The following MCC variants were observed in gnomAD, a reference collection of about 807,000 sequenced individuals.
The protein encoded by MCC is colorectal mutant cancer protein.
In MCC, 90 loss-of-function variants were observed where a neutral mutation model predicts 116.2. The ratio of observed to expected loss-of-function variants is 0.77; its 90% CI spans 0.65 to 0.92. The LOEUF (loss-of-function observed/expected upper bound fraction) is 0.92. MCC is among the 40% of genes least tolerant of loss of function. The pLI, the probability that MCC is intolerant of heterozygous loss-of-function variation, is 0.00. For missense variants in MCC, 1,516 were observed against 1,312.2 expected, an observed-to-expected ratio of 1.16 and a Z score of -2.40; for synonymous variants, 578 against 510.5, an observed-to-expected ratio of 1.13 and a Z score of -1.78.
chr5:113,343,918 CCA>C (rs1768072545), intron 2 of MCC, among the ~76,000 whole-genome samples: 1 of 152,128 alleles, frequency 6.6e-6, no homozygotes, highest in South Asian at 2.1e-4. Flanking sequence ...TGCAGGAATA[CCA>C]CATTTTAACA....
chr5:113,238,140 A>T (rs896465688), intron 3 of MCC, among the ~76,000 whole-genome samples: 5 of 152,202 alleles, frequency 3.3e-5, no homozygotes, highest in African/African-American at 1.2e-4. Context: ...GCATGCAACC[A>T]GTCACTTAAA....
rs557067964 is a variant in MCC, at chr5:113,310,873, C to G, written c.627+29646G>C. ...TTGAGACAACTGCATTAAATTAATG[C>G]TTTTTCATATTCCATCCTTCCTTCA... On this transcript the variant is annotated intron_variant, in intron 3 of 18. Coordinates refer to ENST00000408903, the MANE Select transcript of MCC (RefSeq NM_001085377.2). 2.6e-5 allele frequency among the ~76,000 whole-genome samples: 4 copies of G among 152,284 alleles called. No individual in the cohort carries two copies. In the South Asian group the frequency reaches 6.2e-4, roughly 24 times the overall value.
chr5:113,361,396 A>T (rs2150385356), intron 2 of MCC, among the ~76,000 whole-genome samples: 1 of 152,230 alleles, frequency 6.6e-6, no homozygotes, highest in Admixed American at 6.5e-5. Context: ...ATGGATGCTC[A>T]ACTCAGCCTT....
At chr5:113,147,514 C>A (rs1446651818) in intron 4 of MCC, among the ~76,000 whole-genome samples, 2 of 152,128 alleles carry the variant, frequency 1.3e-5, no homozygotes, top group Non-Finnish European at 2.9e-5. Flanking sequence ...AAATGCAATG[C>A]CATCATTAAT....
At position 113,023,658 on chromosome 5, in the gene MCC, A is replaced by G. The variant is rs1272609534; in HGVS notation, c.*3644T>C. 1 of 152,234 alleles carries G rather than the reference A, an allele frequency of 6.6e-6. No individual in the cohort carries two copies. The highest frequency in any genetic ancestry group is 2.4e-5 in the African/African-American group (1 of 41,464). 9.4% of individuals were successfully genotyped at this position (152,234 alleles called of 1,614,324 possible). A position where few individuals can be genotyped will look rare whatever the true frequency, so the allele number is the denominator to read the frequency against. On this transcript the variant is annotated 3_prime_UTR_variant, in exon 19 of 19. Coordinates refer to ENST00000408903, the MANE Select transcript of MCC (RefSeq NM_001085377.2). ...GTAGAGCTGTAAATAGTTTAATAGAATGATTGGGACATACTCCCAATTAAG... is the reference window on the plus strand; with the variant it reads ...GTAGAGCTGTAAATAGTTTAATAGAGTGATTGGGACATACTCCCAATTAAG...
At chr5:113,304,981 G>A (rs1766950323) in intron 3 of MCC, among the ~76,000 whole-genome samples, 1 of 151,580 alleles carries the variant, frequency 6.6e-6, no homozygotes, top group South Asian at 2.1e-4. Context: ...CTCTTAGCTA[G>A]AATGTTACGG....
At chr5:113,449,083 G>C (rs1017632133) in intron 1 of MCC, among the ~76,000 whole-genome samples, 1 of 152,206 alleles carries the variant, frequency 6.6e-6, no homozygotes, top group Non-Finnish European at 1.5e-5. Context: ...ATCCTACAGA[G>C]GGCCAGCTGG....
At position 113,079,674 on chromosome 5, in the gene MCC, T is replaced by C. The variant is rs528943407; in HGVS notation, c.1784+3186A>G. On this transcript the variant is annotated intron_variant, in intron 11 of 18. Coordinates refer to ENST00000408903, the MANE Select transcript of MCC (RefSeq NM_001085377.2). ...AAATTAATTCAAGATGGATTAAAGA[T>C]TTAAATGTTAGACCTAAAACCGTAA... Among the ~76,000 whole-genome samples, 58 of 152,300 alleles carry C rather than the reference T, an allele frequency of 3.8e-4. 3 individuals are homozygous for C. Among genetic ancestry groups the C allele is most frequent in the African/African-American group, 1.3e-3 (55 of 41,576 alleles).
chr5:113,105,131 G>A (rs1561814923), intron 6 of MCC, among the ~76,000 whole-genome samples: 1 of 152,198 alleles, frequency 6.6e-6, no homozygotes, highest in Non-Finnish European at 1.5e-5. Context: ...GTAACCTGCT[G>A]TTTTGGATTC....
chr5:113,310,165 A>G (rs1046008469), intron 3 of MCC, among the ~76,000 whole-genome samples: 4 of 152,200 alleles, frequency 2.6e-5, no homozygotes, highest in African/African-American at 4.8e-5. Context: ...CTTAATCCCC[A>G]ATGGAACAGC....
rs1192327319 is a variant in MCC, at chr5:113,132,360, G to C, written c.885-9534C>G. Among the ~76,000 whole-genome samples, 251 of 128,764 alleles carry C rather than the reference G, an allele frequency of 1.9e-3. 1 individual carries two copies. Among genetic ancestry groups the C allele is most frequent in the South Asian group, 3.1e-3 (12 of 3,896 alleles). The allele number at this position is 128,764 out of a possible 152,430, so 84.5% of individuals were successfully genotyped here. A position where few individuals can be genotyped will look rare whatever the true frequency, so the allele number is the denominator to read the frequency against. On this transcript the variant is annotated intron_variant, in intron 5 of 18. Coordinates refer to ENST00000408903, the MANE Select transcript of MCC (RefSeq NM_001085377.2). The stretch of plus-strand genomic sequence containing the variant: ...TAAGAGGAAAAAGAAAAGTGCATAT[G>C]TGTGTGTGTGTGTATATATATACAT...
At chr5:113,476,710 G>C (rs1007535135) in intron 1 of MCC, among the ~76,000 whole-genome samples, 6 of 152,222 alleles carry the variant, frequency 3.9e-5, no homozygotes, top group African/African-American at 1.4e-4. Flanking sequence ...CAAGTCTAGA[G>C]AGGCAGCAAA....
At chr5:113,220,806 C>A (rs76206262) in intron 3 of MCC, among the ~76,000 whole-genome samples, 3 of 152,160 alleles carry the variant, frequency 2.0e-5, no homozygotes, top group Admixed American at 2.0e-4. Flanking sequence ...GATCTGGAAG[C>A]CTTTTATTGT....
At chr5:113,397,877 G>A (rs1769567207) in intron 1 of MCC, among the ~76,000 whole-genome samples, 1 of 152,150 alleles carries the variant, frequency 6.6e-6, no homozygotes, top group Non-Finnish European at 1.5e-5. Flanking sequence ...CACAGCAAAA[G>A]AAACTATCAA....
At chr5:113,391,601 T>C (rs1769402221) in intron 1 of MCC, among the ~76,000 whole-genome samples, 1 of 152,006 alleles carries the variant, frequency 6.6e-6, no homozygotes, top group South Asian at 2.1e-4. Context: ...CACTGTAGTC[T>C]CAGCTACTTG....
intron 14 of MCC, among the ~76,000 whole-genome samples, chr5:113,055,315 G>T (rs1352435470): frequency 6.6e-6 from 1 of 152,136 alleles, no homozygotes; most frequent in Non-Finnish European, 1.5e-5. Flanking sequence ...ACCCAGGCCT[G>T]CCCTCCTCAT....
At chr5:113,065,043 G>C (rs1355459273) in intron 13 of MCC, among the ~76,000 whole-genome samples, 1 of 152,140 alleles carries the variant, frequency 6.6e-6, no homozygotes, top group East Asian at 1.9e-4. Context: ...GGATGGGGTT[G>C]GGGGAGGAAT....
chr5:113,179,682 T>A (rs1249737062), intron 3 of MCC, among the ~76,000 whole-genome samples: 1 of 152,170 alleles, frequency 6.6e-6, no homozygotes, highest in African/African-American at 2.4e-5. Flanking sequence ...ATGAATGCAG[T>A]TGAATTTTTC....
intron 3 of MCC, among the ~76,000 whole-genome samples, chr5:113,275,124 G>C (rs1002195611): frequency 6.6e-6 from 1 of 152,064 alleles, no homozygotes; most frequent in African/African-American, 2.4e-5. Flanking sequence ...TCCATCGCGC[G>C]GGTGGGCCAC....
Sources: gnomAD v4.1 joint callset for allele counts (sites outside exome capture counted in the v4.1 genomes callset) on GRCh38, gnomAD v4.1.1 for gene constraint, MANE v1.5 for transcripts, NCBI Gene and HGNC (gene_info 2026-07-23, HGNC 2026-07-21) for gene names.